Variants in ELAVL1 observed in about 807,000 individuals in gnomAD.
ELAVL1 encodes ELAV-like protein 1.
Under a neutral mutation model 28.4 loss-of-function variants are expected in ELAVL1, and 1 was observed. The observed-to-expected ratio is 0.04, with a 90% CI of 0.01 to 0.17. The LOEUF is 0.17. ELAVL1 is among the 10% of genes least tolerant of loss of function. ELAVL1 has a pLI of 1.00. For synonymous variants in ELAVL1, 174 were observed against 183.5 expected (o/e 0.95, Z 0.42); for missense variants, 157 against 447.2 (o/e 0.35, Z 5.85).
intron 2 of ELAVL1, among the ~76,000 whole-genome samples, chr19:7,987,929 C>T (rs1377543073): frequency 6.6e-6 from 1 of 152,128 alleles, no homozygotes; most frequent in Admixed American, 6.5e-5. Context: ...AGGACCTGAA[C>T]GGTTTGAGGA....
intron 1 of ELAVL1, among the ~76,000 whole-genome samples, chr19:8,003,382 A>AAAAAAAAAAAAAAAG: frequency 1.3e-5 from 1 of 79,562 alleles, no homozygotes; most frequent in Non-Finnish European, 3.2e-5. Context: ...AAAGAAAAAG[A>AAAAAAAAAAAAAAAG]AAAAAAAAAA....
intron 4 of ELAVL1, among the ~76,000 whole-genome samples, chr19:7,971,605 C>A (rs972405455): frequency 6.6e-6 from 1 of 152,364 alleles, no homozygotes; most frequent in East Asian, 1.9e-4. Context: ...CACCGAGTAA[C>A]TGGCATCCCC....
chr19:7,974,081 G>C (rs577775761), intron 3 of ELAVL1, among the ~76,000 whole-genome samples: 3 of 152,398 alleles, frequency 2.0e-5, no homozygotes, highest in Non-Finnish European at 2.9e-5. Context: ...ATGCCTGGCA[G>C]TGCTTCCTCA....
At chr19:8,000,013 G>A (rs995761082) in intron 1 of ELAVL1, among the ~76,000 whole-genome samples, 13 of 152,284 alleles carry the variant, frequency 8.5e-5, no homozygotes, top group Admixed American at 7.8e-4. Context: ...CTGACCTCAG[G>A]TGATCCACCC....
At chr19:7,968,480 G>A (rs1410299006) in intron 4 of ELAVL1, among the ~76,000 whole-genome samples, 1 of 152,244 alleles carries the variant, frequency 6.6e-6, no homozygotes, top group African/African-American at 2.4e-5. Flanking sequence ...ATCAAATGAG[G>A]CCAGAACACT....
chr19:7,998,518 A>G (rs934216526), intron 1 of ELAVL1, among the ~76,000 whole-genome samples: 8 of 152,206 alleles, frequency 5.3e-5, no homozygotes, highest in Non-Finnish European at 4.4e-5. Context: ...GTGGTTCTCC[A>G]GCCTCAGTCG....
intron 4 of ELAVL1, among the ~76,000 whole-genome samples, chr19:7,971,080 A>T (rs1985098042): frequency 6.6e-6 from 1 of 152,160 alleles, no homozygotes; most frequent in Non-Finnish European, 1.5e-5. Context: ...AAGATGACAA[A>T]GGTTCCTTAG....
Position 7,963,843 on chromosome 19 carries a change from G to T in ELAVL1, c.657-36C>A. 3.8e-6 allele frequency: 6 copies of T among 1,594,274 alleles called. No homozygotes were observed. Among genetic ancestry groups the T allele is most frequent in the Non-Finnish European group, 5.1e-6 (6 of 1,168,974 alleles). Reference sequence around the variant, plus strand: ...GAGAGCAAGCGTCAGGCCACGGTCAGCGCAGGCGGCCTGGGGATGGGGCAA... The same window carrying T: ...GAGAGCAAGCGTCAGGCCACGGTCATCGCAGGCGGCCTGGGGATGGGGCAA... On this transcript the variant is annotated intron_variant, in intron 5 of 5. Coordinates refer to ENST00000407627, the MANE Select transcript of ELAVL1 (RefSeq NM_001419.3). The surrounding 1 kb of genome is among the most constrained non-coding windows in gnomAD (Gnocchi z 4.5).
intron 2 of ELAVL1, among the ~76,000 whole-genome samples, chr19:7,985,705 G>T (rs1469743683): frequency 6.6e-6 from 1 of 152,228 alleles, no homozygotes; most frequent in Non-Finnish European, 1.5e-5. Context: ...GGGATGGAGA[G>T]GGTGTGGGTG....
At chr19:7,976,269 G>A (rs1599669198) in intron 3 of ELAVL1, among the ~76,000 whole-genome samples, 1 of 151,494 alleles carries the variant, frequency 6.6e-6, no homozygotes, top group South Asian at 2.1e-4. Flanking sequence ...AGGCATGGTG[G>A]CAGGCGCCTG....
At chr19:7,987,128 A>AGCAAGTG (rs1985627507) in intron 2 of ELAVL1, among the ~76,000 whole-genome samples, 1 of 24,300 alleles carries the variant, frequency 4.1e-5, no homozygotes, top group East Asian at 1.9e-3. Flanking sequence ...GGGGGGGGGG[A>AGCAAGTG]GGGTGCAGCA....
rs1984746086 is a variant in ELAVL1, at chr19:7,959,466, C to CAAAA, written c.*4016_*4017insTTTT. ...CCCCAAACCAACGGAAAAGGCTTCT[C>CAAAA]TTCTGGTGGAAGAAAAATCCAGTCC... On this transcript the variant is annotated 3_prime_UTR_variant, in exon 6 of 6. Transcript: ENST00000407627. The CAAAA allele has an allele frequency of 6.6e-6, 1 of 152,414 alleles. No individual in the cohort carries two copies. Among genetic ancestry groups the CAAAA allele is most frequent in the African/African-American group, 2.4e-5 (1 of 41,428 alleles). 9.4% of individuals were successfully genotyped at this position (152,414 alleles called of 1,614,324 possible). A position where few individuals can be genotyped will look rare whatever the true frequency, so the allele number is the denominator to read the frequency against.
At chr19:7,984,168 TC>T (rs771399261) in intron 2 of ELAVL1, among the ~76,000 whole-genome samples, 1 of 152,168 alleles carries the variant, frequency 6.6e-6, no homozygotes, top group Non-Finnish European at 1.5e-5. Context: ...CTCTTCTCTG[TC>T]CTCAAGGAGC....
intron 2 of ELAVL1, among the ~76,000 whole-genome samples, chr19:7,984,353 C>T (rs987616623): frequency 6.6e-6 from 1 of 152,110 alleles, no homozygotes; most frequent in African/African-American, 2.4e-5. Context: ...CAGGAGGGCC[C>T]GTCGCAGAGG....
chr19:7,973,613 GT>G (rs777771842), intron 4 of ELAVL1, 111 bp downstream of exon 4: 21 of 1,356,482 alleles, frequency 1.5e-5, no homozygotes, highest in Middle Eastern at 2.2e-4. Context: ...TGCTGTCCTC[GT>G]TTGCGGAATA....
intron 1 of ELAVL1, among the ~76,000 whole-genome samples, chr19:7,999,741 T>C (rs1027334610): frequency 6.6e-6 from 1 of 152,074 alleles, no homozygotes; most frequent in Non-Finnish European, 1.5e-5. Flanking sequence ...TGTCACTACG[T>C]AGTCCTACTA....
chr19:8,004,421 G>A (rs1322590744), intron 1 of ELAVL1, among the ~76,000 whole-genome samples: 3 of 152,298 alleles, frequency 2.0e-5, no homozygotes, highest in Middle Eastern at 3.4e-3. Flanking sequence ...GAGAGTGGAA[G>A]AGACCCCTCC....
Position 7,982,310 on chromosome 19 carries a change from C to G in ELAVL1, c.173-1124G>C, listed in dbSNP as rs1182264049. ...ATGCACTTGCAAGGCTGCTGAACATCTGCTGTGGGCCTGAGCCTCACCCAG... is the reference window on the plus strand; with the variant it reads ...ATGCACTTGCAAGGCTGCTGAACATGTGCTGTGGGCCTGAGCCTCACCCAG... On this transcript the variant is annotated intron_variant, in intron 2 of 5. Transcript: ENST00000407627. The surrounding 1 kb of genome is among the most constrained non-coding windows in gnomAD (Gnocchi z 4.3). 6.6e-6 allele frequency among the ~76,000 whole-genome samples: 1 copy of G among 152,166 alleles called. No homozygotes were observed. Among genetic ancestry groups the G allele is most frequent in the African/African-American group, 2.4e-5 (1 of 41,446 alleles).
rs920763049 is a variant in ELAVL1 at position 7,958,946 on chromosome 19, A to G, written c.*4537T>C. ...ATATTCACACTTCACTAAAATTTTG[A>G]AAAATGGTCTTCTTTCAAAGCTTCT... On this transcript the variant is annotated 3_prime_UTR_variant, in exon 6 of 6. Transcript: ENST00000407627. 1.9e-5 allele frequency: 3 copies of G among 153,846 alleles called. No individual in the cohort carries two copies. Among genetic ancestry groups the G allele is most frequent in the African/African-American group, 7.2e-5 (3 of 41,572 alleles). The allele number at this position is 153,846 out of a possible 1,614,324, so 9.5% of individuals were successfully genotyped here. A position where few individuals can be genotyped will look rare whatever the true frequency, so the allele number is the denominator to read the frequency against.
Sources: gnomAD v4.1 joint callset for allele counts (sites outside exome capture counted in the v4.1 genomes callset) on GRCh38, gnomAD v4.1.1 for gene constraint, Gnocchi (gnomAD v3.1) non-coding constraint, MANE v1.5 for transcripts, NCBI Gene and HGNC (gene_info 2026-07-23, HGNC 2026-07-21) for gene names.